Variants in NEDD9 observed in about 807,000 individuals in gnomAD.
NEDD9 encodes the protein neural precursor cell expressed, developmentally down-regulated 9, also known as enhancer of filamentation 1.
A neutral mutation model predicts 76.6 loss-of-function variants in NEDD9; 26 were observed. The observed-to-expected ratio is 0.34, with a 90% CI of 0.25 to 0.47. The LOEUF (loss-of-function observed/expected upper bound fraction) is 0.47, where lower values mean the gene tolerates loss of function less well. Ranked by LOEUF, NEDD9 falls within the 20% of genes least tolerant of loss-of-function variation. NEDD9 has a pLI of 1.00. For synonymous variants in NEDD9, 392 were observed against 414.2 expected, an observed-to-expected ratio of 0.95 and a Z score of 0.65; for missense variants, 937 against 1,058.5, an observed-to-expected ratio of 0.89 and a Z score of 1.59.
At chr6:11,256,820 G>A (rs901998176) in intron 3 of NEDD9, among the ~76,000 whole-genome samples, 1 of 152,198 alleles carries the variant, frequency 6.6e-6, no homozygotes, top group East Asian at 1.9e-4. Flanking sequence ...GCAGTAGGCT[G>A]TTTGTATCAG....
rs1408029420 is a variant in NEDD9, at chr6:11,296,666, T to C, written c.12+9326A>G. On this transcript the variant is annotated intron_variant, in intron 3 of 3. Coordinates refer to the NEDD9 transcript ENST00000397378. ...CCTTTCCTTCCTTCCTTTCCTTTCC[T>C]TTCCTTTCCTTTCCCTTCCTTCCTT... Among the ~76,000 whole-genome samples the C allele has an allele frequency of 6.9e-5, 8 of 115,650 alleles. No homozygotes were observed. In the East Asian group the frequency reaches 9.3e-4, roughly 13 times the overall value. 75.9% of individuals were successfully genotyped at this position (115,650 alleles called of 152,430 possible).
At chr6:11,230,879 C>T (rs16871124) in intron 1 of NEDD9, among the ~76,000 whole-genome samples, 28,030 of 152,100 alleles carry the variant, frequency 0.18, 3,034 homozygotes, top group African/African-American at 0.3. Flanking sequence ...AAGCTAACCA[C>T]GATGAGATCA....
intron 2 of NEDD9, chr6:11,200,188 C>T (rs2078599): frequency 0.89 from 363,990 of 408,354 alleles, 162,545 homozygotes; most frequent in East Asian, 1. Flanking sequence ...CTCACCAAGG[C>T]AGGGACCCCA....
intron 2 of NEDD9, among the ~76,000 whole-genome samples, chr6:11,207,985 C>A (rs966199205): frequency 5.3e-5 from 8 of 152,176 alleles, no homozygotes; most frequent in African/African-American, 1.9e-4. Context: ...CAAGACCAGC[C>A]TGGCCAACAT....
intron 1 of NEDD9, among the ~76,000 whole-genome samples, chr6:11,357,984 T>A (rs1198755477): frequency 6.6e-6 from 1 of 152,150 alleles, no homozygotes; most frequent in Non-Finnish European, 1.5e-5. Context: ...GCATGGTGGC[T>A]CACGCCTGTA....
At chr6:11,342,852 C>T (rs1297660783) in intron 1 of NEDD9, among the ~76,000 whole-genome samples, 2 of 152,182 alleles carry the variant, frequency 1.3e-5, no homozygotes, top group African/African-American at 4.8e-5. Context: ...AAGGAAGCCA[C>T]ATTCAAAAGA....
intron 3 of NEDD9, among the ~76,000 whole-genome samples, chr6:11,257,810 T>TGTGTGTGTGTGTGTGTGTGTGC (rs1340885962): frequency 2.4e-4 from 36 of 151,404 alleles, no homozygotes; most frequent in African/African-American, 8.8e-4. Context: ...TGTGTGTGTG[T>TGTGTGTGTGTGTGTGTGTGTGC]GCAGTACGGC....
intron 3 of NEDD9, among the ~76,000 whole-genome samples, chr6:11,269,849 C>T (rs1441156105): frequency 3.3e-5 from 5 of 151,998 alleles, no homozygotes; most frequent in East Asian, 1.9e-4. Flanking sequence ...CACTCTTGGG[C>T]GGATGCGGTG....
At position 11,241,415 on chromosome 6, in the gene NEDD9, C is replaced by G. The variant is rs1299742066; in HGVS notation, c.13-27688G>C. On this transcript the variant is annotated intron_variant, in intron 3 of 3. Transcript: ENST00000397378. This position sits in a 1 kb window ranked among gnomAD's most constrained non-coding sequence, Gnocchi z 4.0. ...CATGTGATATGATGCGACTTTGTAG[C>G]CCTCTTCCCCTCTCCACGTCTTGCT... Among the ~76,000 whole-genome samples the G allele has an allele frequency of 6.6e-6, 1 of 152,190 alleles. No homozygotes were observed. The highest frequency in any genetic ancestry group is 1.5e-5 in the Non-Finnish European group (1 of 68,044).
chr6:11,213,976 A>G lies in NEDD9; in HGVS notation c.13-249T>C, dbSNP rs1177800619. ...AAACACCAGAAGAGTTCTTTCCTCT[A>G]GCAGGATATGCCGTGCCAAGGAATT... On this transcript the variant is annotated intron_variant, in intron 1 of 6. Transcript: ENST00000379446. This position sits in a 1 kb window ranked among gnomAD's most constrained non-coding sequence, Gnocchi z 5.4. Among the ~76,000 whole-genome samples, 1 of 152,248 alleles carries G rather than the reference A, an allele frequency of 6.6e-6. No individual in the cohort carries two copies. Among genetic ancestry groups the G allele is most frequent in the East Asian group, 1.9e-4 (1 of 5,198 alleles).
intron 3 of NEDD9, among the ~76,000 whole-genome samples, chr6:11,291,949 T>A (rs1270071807): frequency 1.3e-5 from 2 of 152,202 alleles, no homozygotes; most frequent in Non-Finnish European, 2.9e-5. Context: ...CAGGGTCACC[T>A]TTGAGTTCTC....
chr6:11,232,796 C>G, upstream of NEDD9: 1 of 1,058,634 alleles, frequency 9.4e-7, no homozygotes, highest in Non-Finnish European at 1.3e-6. Flanking sequence ...TGACAAAGAA[C>G]TTGTAATGTG....
intron 1 of NEDD9, among the ~76,000 whole-genome samples, chr6:11,379,171 C>T (rs1763018100): frequency 6.6e-6 from 1 of 152,220 alleles, no homozygotes; most frequent in African/African-American, 2.4e-5. Context: ...TGCAGCCATG[C>T]CCTTGAGGAG....
At chr6:11,216,776 C>T (rs141127385) in intron 1 of NEDD9, among the ~76,000 whole-genome samples, 7 of 152,340 alleles carry the variant, frequency 4.6e-5, no homozygotes, top group African/African-American at 1.2e-4. Context: ...AGGCTCCCTC[C>T]CCGCCTTGCC....
At chr6:11,310,843 C>G (rs1191688822) in intron 2 of NEDD9, among the ~76,000 whole-genome samples, 1 of 152,144 alleles carries the variant, frequency 6.6e-6, no homozygotes, top group Non-Finnish European at 1.5e-5. Context: ...AAGCAGGCGC[C>G]CTCTGAAATG....
intron 3 of NEDD9, among the ~76,000 whole-genome samples, chr6:11,291,834 TAAG>T (rs1394253667): frequency 2.6e-5 from 4 of 152,172 alleles, no homozygotes; most frequent in Non-Finnish European, 5.9e-5. Context: ...GCTCTCTCAC[TAAG>T]AAGAAGAAAA....
At position 11,370,092 on chromosome 6, in the gene NEDD9, G is replaced by A. The variant is rs978632878; in HGVS notation, c.-214+12047C>T. Among the ~76,000 whole-genome samples, 1 of 152,218 alleles carries A rather than the reference G, an allele frequency of 6.6e-6. No individual in the cohort carries two copies. The highest frequency in any genetic ancestry group is 1.5e-5 in the Non-Finnish European group (1 of 68,044). ...GGGAATATCATTAGGGATGTCAACTGAGGTATATAAAGAGTCTTTTCCCTA... is the reference window on the plus strand; with the variant it reads ...GGGAATATCATTAGGGATGTCAACTAAGGTATATAAAGAGTCTTTTCCCTA... On this transcript the variant is annotated intron_variant, in intron 1 of 3. Coordinates refer to the NEDD9 transcript ENST00000397378. This position sits in a 1 kb window ranked among gnomAD's most constrained non-coding sequence, Gnocchi z 4.2.
chr6:11,280,592 C>T (rs1478446707), intron 3 of NEDD9, among the ~76,000 whole-genome samples: 1 of 152,242 alleles, frequency 6.6e-6, no homozygotes, highest in Non-Finnish European at 1.5e-5. Context: ...TGGGCGGCTC[C>T]TCTGCCCTTT....
intron 1 of NEDD9, among the ~76,000 whole-genome samples, chr6:11,371,382 C>T (rs7741863): frequency 0.53 from 81,272 of 151,968 alleles, 22,416 homozygotes; most frequent in African/African-American, 0.65. Context: ...TATCGTATCA[C>T]GCAGAGGACT....
Sources: gnomAD v4.1 joint callset for allele counts (sites outside exome capture counted in the v4.1 genomes callset) on GRCh38, gnomAD v4.1.1 for gene constraint, Gnocchi (gnomAD v3.1) non-coding constraint, MANE v1.5 for transcripts, NCBI Gene and HGNC (gene_info 2026-07-23, HGNC 2026-07-21) for gene names.